Variants in GUCY1A2 observed in about 807,000 individuals in gnomAD.
GUCY1A2 encodes guanylate cyclase 1 soluble subunit alpha 2, also known as guanylate cyclase soluble subunit alpha-2.
Under a neutral mutation model 63.5 loss-of-function variants are expected in GUCY1A2, and 27 were observed. The observed-to-expected ratio is 0.43, with a 90% CI of 0.31 to 0.59. GUCY1A2 has a LOEUF of 0.59. Among genes scored for constraint, GUCY1A2 ranks in the 20% least tolerant of loss-of-function variants. The pLI is 0.11. For missense variants in GUCY1A2, 768 were observed against 913.3 expected (o/e 0.84, Z 2.05); for synonymous variants, 364 against 343.5 (o/e 1.06, Z -0.66).
chr11:106,707,895 G>A lies in GUCY1A2; in HGVS notation c.1991+617C>T, dbSNP rs926280943. On this transcript the variant is annotated intron_variant, in intron 7 of 7. Coordinates refer to ENST00000526355, the MANE Select transcript of GUCY1A2 (RefSeq NM_000855.3). ...CATTCAAAATCCCAAAGTCCAAAAT[G>A]CTCCAAAATCTGAAACTTTTTGAGA... 2.2e-4 allele frequency among the ~76,000 whole-genome samples: 33 copies of A among 152,120 alleles called. 1 individual carries two copies. The highest frequency in any genetic ancestry group is 8.3e-4 in the South Asian group (4 of 4,816).
At chr11:106,864,648 C>A (rs1271952853) in intron 4 of GUCY1A2, among the ~76,000 whole-genome samples, 2 of 152,076 alleles carry the variant, frequency 1.3e-5, no homozygotes, top group Non-Finnish European at 2.9e-5. Flanking sequence ...TCATTGAAGG[C>A]CTTTTCTGCA....
At chr11:106,827,034 C>T (rs1858980273) in intron 4 of GUCY1A2, 9 of 1,590,414 alleles carry the variant, frequency 5.7e-6, no homozygotes, top group East Asian at 2.2e-5. Flanking sequence ...TTGTAACTGA[C>T]GTATGGTCTC....
chr11:106,784,679 AT>A (rs1565289017), intron 5 of GUCY1A2, among the ~76,000 whole-genome samples: 1 of 152,048 alleles, frequency 6.6e-6, no homozygotes, highest in African/African-American at 2.4e-5. Flanking sequence ...AGTTATTAAG[AT>A]TTTTTTTAGT....
chr11:106,693,286 C>A (rs1024794438), intron 7 of GUCY1A2, among the ~76,000 whole-genome samples: 2 of 152,120 alleles, frequency 1.3e-5, no homozygotes, highest in African/African-American at 4.8e-5. Flanking sequence ...GTATTAAATT[C>A]TTCTTTAGAA....
intron 3 of GUCY1A2, among the ~76,000 whole-genome samples, chr11:106,958,364 A>AT (rs1037189197): frequency 1.3e-4 from 20 of 152,300 alleles, no homozygotes; most frequent in Non-Finnish European, 2.5e-4. Context: ...AAAACTGAAT[A>AT]TCTCCAGTAA....
intron 4 of GUCY1A2, among the ~76,000 whole-genome samples, chr11:106,933,985 T>C (rs1321348886): frequency 1.3e-5 from 2 of 152,094 alleles, no homozygotes; most frequent in African/African-American, 4.8e-5. Context: ...GAAAAACTAT[T>C]GGGCACTATG....
intron 4 of GUCY1A2, among the ~76,000 whole-genome samples, chr11:106,897,648 T>A (rs957031827): frequency 3.3e-5 from 5 of 151,350 alleles, no homozygotes; most frequent in Non-Finnish European, 5.9e-5. Context: ...CAACTGGACA[T>A]CGAATTACAA....
At chr11:106,702,029 C>T (rs1256737287) in intron 7 of GUCY1A2, among the ~76,000 whole-genome samples, 2 of 152,094 alleles carry the variant, frequency 1.3e-5, no homozygotes, top group Non-Finnish European at 2.9e-5. Flanking sequence ...AGGGCAGCTA[C>T]GGGTTTGAAT....
intron 3 of GUCY1A2, among the ~76,000 whole-genome samples, chr11:106,977,953 A>T (rs1459147523): frequency 6.6e-6 from 1 of 152,224 alleles, no homozygotes; most frequent in Non-Finnish European, 1.5e-5. Context: ...CATTGCATGG[A>T]ATACAATGTA....
intron 7 of GUCY1A2, among the ~76,000 whole-genome samples, chr11:106,698,104 T>C (rs2135341072): frequency 6.7e-6 from 1 of 148,948 alleles, no homozygotes; most frequent in African/African-American, 2.5e-5. Flanking sequence ...TTTACAGCTT[T>C]CACTGAATGT....
chr11:106,884,406 G>C (rs982956931), intron 4 of GUCY1A2, among the ~76,000 whole-genome samples: 1 of 152,076 alleles, frequency 6.6e-6, no homozygotes, highest in Non-Finnish European at 1.5e-5. Context: ...ATATTCAAGG[G>C]AAGGATACTT....
chr11:106,833,524 A>G (rs1940386), intron 4 of GUCY1A2, among the ~76,000 whole-genome samples: 61,237 of 151,906 alleles, frequency 0.4, 13,590 homozygotes, highest in Non-Finnish European at 0.5. Context: ...CTTAGCACTT[A>G]CTATCTACCG....
intron 1 of GUCY1A2, 43 bp downstream of exon 1, chr11:107,017,710 T>G: frequency 8.4e-7 from 1 of 1,196,816 alleles, no homozygotes; most frequent in Non-Finnish European, 1.1e-6. Flanking sequence ...CAGATCCGCG[T>G]TCTCTCCCCC....
At position 107,017,951 on chromosome 11, in the gene GUCY1A2, G is replaced by C. The variant is rs1861850234; in HGVS notation, c.105C>G (p.Cys35Trp). The change falls in exon 1 of 8, where the codon TGC becomes TGG. Residue 35 changes from cysteine to tryptophan, a missense_variant. Physicochemically the swap from Cys to Trp is radical, Grantham distance 215 (BLOSUM62 -2). This residue lies in a region of GUCY1A2 where 496 missense variants were observed against 486.9 expected (regional missense o/e 1.02). Coordinates refer to ENST00000526355, the MANE Select transcript of GUCY1A2 (RefSeq NM_000855.3). ...EEGECPLSRL[C>W]WNGSRSPPGP... ...CGGGCGGGCTCCGGCTGCCATTCCA[G>C]CAGAGCCTAGACAGGGGGCACTCCC... The C allele has an allele frequency of 7.2e-7, 1 of 1,387,492 alleles. No homozygotes were observed. Among genetic ancestry groups the C allele is most frequent in the African/African-American group, 1.5e-5 (1 of 67,058 alleles). The allele number at this position is 1,387,492 out of a possible 1,614,324, so 85.9% of individuals were successfully genotyped here.
intron 4 of GUCY1A2, among the ~76,000 whole-genome samples, chr11:106,883,791 C>T (rs1859859799): frequency 6.6e-6 from 1 of 151,940 alleles, no homozygotes; most frequent in Non-Finnish European, 1.5e-5. Flanking sequence ...CGTCACCAGC[C>T]CAAAACATCA....
intron 2 of GUCY1A2, among the ~76,000 whole-genome samples, chr11:106,979,386 C>T (rs1016856318): frequency 7.1e-6 from 1 of 141,212 alleles, no homozygotes; most frequent in African/African-American, 2.6e-5. Flanking sequence ...ACCCAGGAGG[C>T]GGAGCTTGCA....
At chr11:106,705,572 G>A (rs1862893728) in intron 7 of GUCY1A2, among the ~76,000 whole-genome samples, 1 of 151,976 alleles carries the variant, frequency 6.6e-6, no homozygotes, top group African/African-American at 2.4e-5. Flanking sequence ...ATAGAACATG[G>A]GACTGAGGCA....
intron 1 of GUCY1A2, among the ~76,000 whole-genome samples, chr11:106,989,921 A>G (rs966051393): frequency 6.6e-6 from 1 of 152,214 alleles, no homozygotes; most frequent in African/African-American, 2.4e-5. Flanking sequence ...ACAGCTAATA[A>G]GAAACAACCA....
chr11:106,878,494 G>T (rs1287990168), intron 4 of GUCY1A2, among the ~76,000 whole-genome samples: 3 of 152,004 alleles, frequency 2.0e-5, no homozygotes, highest in Admixed American at 2.0e-4. Context: ...GATGGACCTG[G>T]AGGTCATTAT....
Sources: allele counts gnomAD v4.1 joint callset (sites outside exome capture counted in the v4.1 genomes callset), GRCh38; gene constraint gnomAD v4.1.1; regional missense constraint gnomAD v4.1.1; transcripts MANE v1.5; gene names NCBI Gene and HGNC (gene_info 2026-07-23, HGNC 2026-07-21).